Variants in EPHA3 observed in about 807,000 individuals in gnomAD.
The protein encoded by EPHA3 is ephrin type-A receptor 3.
Under a neutral mutation model 107.1 loss-of-function variants are expected in EPHA3, and 42 were observed. The ratio of observed to expected loss-of-function variants is 0.39; its 90% CI spans 0.31 to 0.51. The LOEUF (loss-of-function observed/expected upper bound fraction) is 0.51, where lower values mean the gene tolerates loss of function less well. Ranked by LOEUF, EPHA3 falls within the 20% of genes least tolerant of loss-of-function variation. The pLI is 0.78. For synonymous variants in EPHA3, 461 were observed against 424.8 expected (o/e 1.09, Z -1.05); for missense variants, 1,183 against 1,211.2 (o/e 0.98, Z 0.35).
In EPHA3 at chr3:89,341,758, C is replaced by T; in HGVS notation, c.974C>T (p.Pro325Leu). ...KDPPSMACTR[P>L]PSSPRNVISN... The stretch of plus-strand genomic sequence containing the variant: ...TCTTTGTTGAACTACTTTGCAGGAC[C>T]TCCATCTTCACCAAGAAATGTTATC... Residue 325 changes from proline to leucine, a missense_variant, in exon 5 of 17, where the codon CCT (proline) becomes CTT (leucine). Pro to Leu is a moderately conservative substitution (Grantham distance 98, BLOSUM62 -3). Coordinates refer to ENST00000336596, the MANE Select transcript of EPHA3 (RefSeq NM_005233.6). 1 of 1,606,552 alleles carries T rather than the reference C, an allele frequency of 6.2e-7. No individual in the cohort carries two copies. The highest frequency in any genetic ancestry group is 1.1e-5 in the South Asian group (1 of 90,044).
intron 2 of EPHA3, among the ~76,000 whole-genome samples, chr3:89,169,599 G>T (rs1169771641): frequency 6.6e-6 from 1 of 152,024 alleles, no homozygotes; most frequent in African/African-American, 2.4e-5. Context: ...AATCACACAG[G>T]TGACCATACA....
At chr3:89,202,534 A>AAAAT (rs1553663622) in intron 2 of EPHA3, among the ~76,000 whole-genome samples, 3 of 37,690 alleles carry the variant, frequency 8.0e-5, no homozygotes, top group East Asian at 1.3e-3. Flanking sequence ...AAAAAAAAAA[A>AAAAT]ATATATATAT....
chr3:89,246,051 G>A (rs924417988), intron 3 of EPHA3, among the ~76,000 whole-genome samples: 13 of 151,904 alleles, frequency 8.6e-5, no homozygotes, highest in African/African-American at 2.9e-4. Context: ...CATATTGTAT[G>A]ACTCTCTTAC....
chr3:89,173,808 A>C (rs1705259261), intron 2 of EPHA3, among the ~76,000 whole-genome samples: 2 of 152,170 alleles, frequency 1.3e-5, no homozygotes, highest in African/African-American at 4.8e-5. Flanking sequence ...TTTAAGTTAC[A>C]TATAAAAATA....
At chr3:89,219,711 T>G (rs1334210081) in intron 3 of EPHA3, among the ~76,000 whole-genome samples, 1 of 25,460 alleles carries the variant, frequency 3.9e-5, no homozygotes, top group Non-Finnish European at 9.0e-5. Context: ...TTGTTTTTTG[T>G]TTTTTTTTTT....
chr3:89,306,158 T>C (rs1706615724), intron 3 of EPHA3, among the ~76,000 whole-genome samples: 1 of 152,136 alleles, frequency 6.6e-6, no homozygotes, highest in Non-Finnish European at 1.5e-5. Flanking sequence ...TCTACCACGG[T>C]GGTACTGGGG....
At chr3:89,223,736 C>T (rs1704437214) in intron 3 of EPHA3, among the ~76,000 whole-genome samples, 1 of 151,948 alleles carries the variant, frequency 6.6e-6, no homozygotes, top group Admixed American at 6.6e-5. Context: ...TATTATAATA[C>T]CTTATATGTG....
intron 3 of EPHA3, among the ~76,000 whole-genome samples, chr3:89,317,128 T>C (rs1000180204): frequency 1.3e-5 from 2 of 151,734 alleles, no homozygotes; most frequent in Non-Finnish European, 2.9e-5. Flanking sequence ...TTTTTGGCCA[T>C]AATTAAAGGA....
intron 2 of EPHA3, among the ~76,000 whole-genome samples, chr3:89,132,526 A>G (rs1037736636): frequency 6.6e-6 from 1 of 152,224 alleles, no homozygotes; most frequent in African/African-American, 2.4e-5. Context: ...GAATTGAGGC[A>G]TCTGCATTTC....
intron 5 of EPHA3, among the ~76,000 whole-genome samples, chr3:89,357,461 T>C (rs544590121): frequency 6.6e-6 from 1 of 151,168 alleles, no homozygotes; most frequent in African/African-American, 2.4e-5. Flanking sequence ...GAAAGAAAAT[T>C]TTTGCATCTT....
chr3:89,153,920 C>T (rs1704739548), intron 2 of EPHA3, among the ~76,000 whole-genome samples: 1 of 152,032 alleles, frequency 6.6e-6, no homozygotes, highest in Admixed American at 6.6e-5. Context: ...TTACACTGTT[C>T]CATCCTTGCT....
At chr3:89,237,104 G>A (rs1704782895) in intron 3 of EPHA3, among the ~76,000 whole-genome samples, 1 of 152,220 alleles carries the variant, frequency 6.6e-6, no homozygotes, top group Admixed American at 6.5e-5. Context: ...ACTCATGCCT[G>A]TAATCCCAGC....
intron 13 of EPHA3, among the ~76,000 whole-genome samples, chr3:89,446,781 T>A (rs1709885193): frequency 6.6e-6 from 1 of 152,098 alleles, no homozygotes. Flanking sequence ...CCTTTCAGTA[T>A]AAGTATACTT....
chr3:89,424,104 T>C (rs1176952651), intron 11 of EPHA3, among the ~76,000 whole-genome samples: 2 of 151,334 alleles, frequency 1.3e-5, no homozygotes, highest in Non-Finnish European at 3.0e-5. Context: ...TCAGAAAGTA[T>C]AATAACATTA....
At chr3:89,432,805 G>T (rs945261133) in intron 13 of EPHA3, among the ~76,000 whole-genome samples, 2 of 151,894 alleles carry the variant, frequency 1.3e-5, no homozygotes, top group Non-Finnish European at 2.9e-5. Context: ...TATATAAAAT[G>T]ATTTCAACAT....
At chr3:89,164,440 T>C (rs906913992) in intron 2 of EPHA3, among the ~76,000 whole-genome samples, 2 of 152,222 alleles carry the variant, frequency 1.3e-5, no homozygotes, top group Non-Finnish European at 2.9e-5. Flanking sequence ...TGTATGCTAT[T>C]GCTGGGATTA....
Position 89,341,820 on chromosome 3 carries a change from A to G in EPHA3, c.1036A>G (p.Ser346Gly). 1 of 1,613,962 alleles carries G rather than the reference A, an allele frequency of 6.2e-7. No individual in the cohort carries two copies. The highest frequency in any genetic ancestry group is 8.5e-7 in the Non-Finnish European group (1 of 1,180,010). ...CGAGACCTCAGTTATCCTGGACTGG[A>G]GTTGGCCCCTGGACACAGGAGGCCG... ...INETSVILDWSWPLDTGGRKD... is the reference protein window; with the variant it reads ...INETSVILDWGWPLDTGGRKD... The change falls in exon 5 of 17, where the codon AGT (serine) becomes GGT (glycine). Residue 346 changes from serine to glycine, a missense_variant. Ser to Gly is a moderately conservative substitution (Grantham distance 56). Coordinates refer to ENST00000336596, the MANE Select transcript of EPHA3 (RefSeq NM_005233.6).
At chr3:89,424,067 T>A (rs1052991108) in intron 11 of EPHA3, among the ~76,000 whole-genome samples, 12 of 151,422 alleles carry the variant, frequency 7.9e-5, no homozygotes, top group Non-Finnish European at 1.8e-4. Flanking sequence ...GCTAGTAATA[T>A]CTTGATACCA....
chr3:89,214,354 C>T (rs574519393), intron 3 of EPHA3, among the ~76,000 whole-genome samples: 1 of 152,000 alleles, frequency 6.6e-6, no homozygotes, highest in South Asian at 2.1e-4. Flanking sequence ...GGTATTTGAA[C>T]GTCATTATTT....
Sources: allele counts gnomAD v4.1 joint callset (sites outside exome capture counted in the v4.1 genomes callset), GRCh38; gene constraint gnomAD v4.1.1; transcripts MANE v1.5; gene names NCBI Gene and HGNC (gene_info 2026-07-23, HGNC 2026-07-21).